SLC5A10: variants seen among roughly 807,000 people sequenced by gnomAD.
SLC5A10 encodes the protein solute carrier family 5 member 10.
In SLC5A10, 55 loss-of-function variants were observed where a neutral mutation model predicts 68.9. The observed-to-expected ratio is 0.80, with a 90% confidence interval of 0.64 to 1.00. SLC5A10 has a LOEUF of 1.00. Ranked by LOEUF, SLC5A10 falls within the 50% of genes least tolerant of loss-of-function variation. The pLI is 0.00. For missense variants in SLC5A10, 732 were observed against 819.3 expected, an observed-to-expected ratio of 0.89 and a Z score of 1.30; for synonymous variants, 344 against 344.8, an observed-to-expected ratio of 1.00 and a Z score of 0.02.
chr17:18,971,096 T>C lies in SLC5A10; in HGVS notation c.724T>C (p.Cys242Arg). 1 of 1,614,062 alleles carries C rather than the reference T, an allele frequency of 6.2e-7. No homozygotes were observed. The highest frequency in any genetic ancestry group is 1.6e-4 in the Middle Eastern group (1 of 6,062). The change falls in exon 8 of 15, where the codon TGC becomes CGC. Residue 242 changes from cysteine (C) to arginine (R), a missense_variant. Transcript: ENST00000395645. The surrounding 1 kb of genome is among the most constrained non-coding windows in gnomAD (Gnocchi z 5.5). ...IPSRTIANTT[C>R]HLPRTDAMHM... ...CTCCAGGACCATTGCCAACACCACC[T>C]GCCACCTGCCACGTACAGACGCCAT...
Position 19,013,362 on chromosome 17 carries a change from G to A in SLC5A10, c.983-48G>A, listed in dbSNP as rs772712427. The A allele has an allele frequency of 1.1e-5, 18 of 1,600,476 alleles. No homozygotes were observed. In the South Asian group the frequency reaches 1.8e-4, roughly 16 times the overall value. On this transcript the variant is annotated intron_variant, in intron 9 of 14. Transcript: ENST00000395645. ...CCCAGCCCTATCTTGCCCACCCCAG[G>A]TGCTCATGTCTATGAGGAGAGACAC... is the stretch of plus-strand genomic sequence containing the variant.
At chr17:19,014,031 CAG>C (rs1385495530) in intron 10 of SLC5A10, among the ~76,000 whole-genome samples, 2 of 152,198 alleles carry the variant, frequency 1.3e-5, no homozygotes, top group Admixed American at 1.3e-4. Flanking sequence ...GACAAGTGAA[CAG>C]AGAGCCCAGA....
intron 9 of SLC5A10, among the ~76,000 whole-genome samples, chr17:18,983,193 G>A (rs1028628383): frequency 6.6e-6 from 1 of 152,260 alleles, no homozygotes; most frequent in African/African-American, 2.4e-5. Flanking sequence ...CGGGACTGAG[G>A]ACAGGGCTCT....
At chr17:18,994,426 C>T (rs538436213) in intron 9 of SLC5A10, among the ~76,000 whole-genome samples, 24 of 152,176 alleles carry the variant, frequency 1.6e-4, no homozygotes, top group African/African-American at 5.8e-4. Flanking sequence ...GACGGAGTGC[C>T]GCAGGGGAGA....
chr17:19,000,965 T>G lies in SLC5A10; in HGVS notation c.983-12445T>G, dbSNP rs957516855. 1.3e-5 allele frequency among the ~76,000 whole-genome samples: 2 copies of G among 152,106 alleles called. No homozygotes were observed. Among genetic ancestry groups the G allele is most frequent in the Non-Finnish European group, 2.9e-5 (2 of 68,006 alleles). On this transcript the variant is annotated intron_variant, in intron 9 of 14. Coordinates refer to ENST00000395645, the MANE Select transcript of SLC5A10 (RefSeq NM_001042450.4). This position sits in a 1 kb window ranked among gnomAD's most constrained non-coding sequence, Gnocchi z 5.2. The stretch of plus-strand genomic sequence containing the variant: ...TGGATGAGCTGCCCCTCCCAGCCCC[T>G]GCCTGTCACTCTGTCCTGCCAGGGC...
chr17:18,977,708 T>C (rs1567789976), intron 9 of SLC5A10: 1 of 1,610,156 alleles, frequency 6.2e-7, no homozygotes, highest in South Asian at 1.1e-5. Flanking sequence ...TCGGGTTATA[T>C]GGGGGGCACT....
intron 8 of SLC5A10, 180 bp from the exon 9 acceptor site, chr17:18,976,674 T>C: frequency 2.7e-6 from 2 of 740,128 alleles, no homozygotes; most frequent in Non-Finnish European, 4.2e-6. Flanking sequence ...CCTGCTGAAG[T>C]GAGCTCTCCT....
At chr17:19,008,526 G>T (rs2152147587) in intron 9 of SLC5A10, among the ~76,000 whole-genome samples, 1 of 150,804 alleles carries the variant, frequency 6.6e-6, no homozygotes, top group Non-Finnish European at 1.5e-5. Context: ...TTGATACGGG[G>T]TCTTGCACTG....
intron 13 of SLC5A10, 37 bp from the exon 14 acceptor site, chr17:19,020,118 C>A: frequency 6.8e-7 from 1 of 1,462,888 alleles, no homozygotes; most frequent in Non-Finnish European, 9.6e-7. Flanking sequence ...CCCTGCCATC[C>A]CCCACCCCCA....
chr17:19,015,978 C>T (rs1339905263), intron 11 of SLC5A10, among the ~76,000 whole-genome samples: 1 of 152,110 alleles, frequency 6.6e-6, no homozygotes, highest in African/African-American at 2.4e-5. Context: ...ATACACTGTA[C>T]CCAATGTGTA....
At chr17:18,959,499 G>A in intron 3 of SLC5A10, 105 bp from the exon 4 acceptor site, 2 of 1,282,442 alleles carry the variant, frequency 1.6e-6, no homozygotes, top group Non-Finnish European at 2.2e-6. Context: ...AGGGGCTGGG[G>A]GAAGCCAGGC....
intron 9 of SLC5A10, among the ~76,000 whole-genome samples, chr17:18,997,463 G>A (rs1465869441): frequency 6.6e-6 from 1 of 152,262 alleles, no homozygotes; most frequent in Admixed American, 6.5e-5. Context: ...ACCATCCCAT[G>A]TGGGCAGCAA....
chr17:18,956,298 G>C (rs11653983), intron 1 of SLC5A10, among the ~76,000 whole-genome samples: 1 of 151,488 alleles, frequency 6.6e-6, no homozygotes, highest in East Asian at 1.9e-4. Flanking sequence ...ATCATCCTGA[G>C]TATAGGGCAG....
rs1011347863 is a variant in SLC5A10, at chr17:18,971,301, C to G, written c.846+83C>G. The G allele has an allele frequency of 5.6e-6, 9 of 1,608,416 alleles. No homozygotes were observed. Among genetic ancestry groups the G allele is most frequent in the Non-Finnish European group, 6.8e-6 (8 of 1,176,438 alleles). On this transcript the variant is annotated intron_variant, in intron 8 of 14. Transcript: ENST00000395645. This position sits in a 1 kb window ranked among gnomAD's most constrained non-coding sequence, Gnocchi z 5.5. ...AGGCCCAGGCGGCCTGTCTGCCCTCCGCGTCATGAGTCTGGGCTGGGGCCT... is the reference window on the plus strand; with the variant it reads ...AGGCCCAGGCGGCCTGTCTGCCCTCGGCGTCATGAGTCTGGGCTGGGGCCT...
At position 18,971,171 on chromosome 17, in the gene SLC5A10, AC is replaced by A; in HGVS notation, c.801del (p.Phe268LeufsTer3). ...HTGDLPWTGM[T>X]FGLTIMATWY... The stretch of plus-strand genomic sequence containing the variant: ...AGGGGACCTGCCGTGGACCGGGATG[AC>A]CTTTGGCCTGACCATCATGGCCACC... On this transcript the variant is annotated frameshift_variant, in exon 8 of 15. Transcript: ENST00000395645. LOFTEE classifies it high-confidence loss of function. The surrounding 1 kb of genome is among the most constrained non-coding windows in gnomAD (Gnocchi z 5.5). The A allele has an allele frequency of 1.2e-6, 2 of 1,614,018 alleles. No homozygotes were observed. The highest frequency in any genetic ancestry group is 1.7e-6 in the Non-Finnish European group (2 of 1,180,018).
At chr17:18,961,019 C>G (rs1456843252) in intron 5 of SLC5A10, among the ~76,000 whole-genome samples, 2 of 152,190 alleles carry the variant, frequency 1.3e-5, no homozygotes, top group East Asian at 3.9e-4. Flanking sequence ...CCCACGTGGT[C>G]TTAGCCACAT....
At position 18,968,018 on chromosome 17, in the gene SLC5A10, A is replaced by G. The variant is rs2042747190; in HGVS notation, c.454-1034A>G. ...GCTGGTCTCTCTAAGACAGGTTGAGAGAGGCGCCTGGAGGGAGAGGTACAG... is the reference window on the plus strand; with the variant it reads ...GCTGGTCTCTCTAAGACAGGTTGAGGGAGGCGCCTGGAGGGAGAGGTACAG... On this transcript the variant is annotated intron_variant, in intron 5 of 14. Transcript: ENST00000395645. The surrounding 1 kb of genome is among the most constrained non-coding windows in gnomAD (Gnocchi z 4.1). Among the ~76,000 whole-genome samples the G allele has an allele frequency of 1.3e-5, 2 of 152,120 alleles. No individual in the cohort carries two copies. Among genetic ancestry groups the G allele is most frequent in the African/African-American group, 4.8e-5 (2 of 41,414 alleles).
At position 19,003,834 on chromosome 17, in the gene SLC5A10, T is replaced by C. The variant is rs749098636; in HGVS notation, c.983-9576T>C. On this transcript the variant is annotated intron_variant, in intron 9 of 14. Transcript: ENST00000395645. This position sits in a 1 kb window ranked among gnomAD's most constrained non-coding sequence, Gnocchi z 4.5. The stretch of plus-strand genomic sequence containing the variant: ...GAGCCCGGGTCGTACACCTCGATGG[T>C]CTCCAGGATGCGCTTGAGCTCCAGC... The C allele has an allele frequency of 4.3e-6, 7 of 1,612,644 alleles. No individual in the cohort carries two copies. The South Asian group carries it at 6.6e-5, about 15-fold the overall frequency.
Position 19,019,730 on chromosome 17 carries a change from G to A in SLC5A10, c.1428G>A (p.Leu476=), listed in dbSNP as rs1343671343. The change falls in exon 13 of 15, where the codon CTG becomes CTA. Residue 476 remains leucine (L), a synonymous_variant. Transcript: ENST00000395645. ...RANEQGAFWG[L]IAGLVVGATR... ...CTCCCCAGGGGGCCTTCTGGGGCCT[G>A]ATAGCAGGGCTGGTGGTGGGGGCCA... 1 of 1,611,284 alleles carries A rather than the reference G, an allele frequency of 6.2e-7. No homozygotes were observed. The highest frequency in any genetic ancestry group is 8.5e-7 in the Non-Finnish European group (1 of 1,179,618).
Sources: gnomAD v4.1 joint callset for allele counts (sites outside exome capture counted in the v4.1 genomes callset) on GRCh38, gnomAD v4.1.1 for gene constraint, Gnocchi (gnomAD v3.1) non-coding constraint, MANE v1.5 for transcripts, NCBI Gene and HGNC (gene_info 2026-07-23, HGNC 2026-07-21) for gene names.